The following COL11A1 variants were observed in gnomAD, a reference collection of about 807,000 sequenced individuals.
The protein encoded by COL11A1 is collagen alpha-1(XI) chain.
A neutral mutation model predicts 265.2 loss-of-function variants in COL11A1; 74 were observed. The ratio of observed to expected loss-of-function variants is 0.28; its 90% CI spans 0.23 to 0.34. The LOEUF is 0.34. Ranked by LOEUF, COL11A1 falls within the 10% of genes least tolerant of loss-of-function variation. The pLI, the probability that COL11A1 is intolerant of heterozygous loss-of-function variation, is 1.00. For synonymous variants in COL11A1, 816 were observed against 727.6 expected, an observed-to-expected ratio of 1.12 and a Z score of -1.96; for missense variants, 2,165 against 2,263.6, an observed-to-expected ratio of 0.96 and a Z score of 0.88.
At chr1:103,030,919 T>C in intron 5 of COL11A1, 197 bp downstream of exon 5, 1 of 619,162 alleles carries the variant, frequency 1.6e-6, no homozygotes, top group Non-Finnish European at 2.8e-6. Flanking sequence ...AATAAATTTA[T>C]GTAATCAAAT....
intron 35 of COL11A1, among the ~76,000 whole-genome samples, chr1:102,975,672 C>A (rs1662398477): frequency 1.3e-5 from 2 of 151,942 alleles, no homozygotes; most frequent in Admixed American, 6.6e-5. Context: ...TCTATATGCC[C>A]AGAACGTAAT....
At chr1:102,918,935 C>T (rs973353136) in intron 49 of COL11A1, among the ~76,000 whole-genome samples, 3 of 151,836 alleles carry the variant, frequency 2.0e-5, no homozygotes, top group Admixed American at 2.0e-4. Flanking sequence ...CAAGATAAGC[C>T]GATAAAAGCT....
Position 102,999,248 on chromosome 1 carries a change from TTGCAGTTTTAC to T in COL11A1, c.2143-896_2143-886del, listed in dbSNP as rs1424001991. Among the ~76,000 whole-genome samples, 6 of 152,078 alleles carry T rather than the reference TTGCAGTTTTAC, an allele frequency of 3.9e-5. No homozygotes were observed. The South Asian group carries it at 1.2e-3, about 31-fold the overall frequency. ...ATCATTGTATTCATATTGCCTGCCA[TTGCAGTTTTAC>T]AAGAAAATTTCAACCAAATCAGCAT... is the stretch of plus-strand genomic sequence containing the variant. On this transcript the variant is annotated intron_variant, in intron 24 of 66. Coordinates refer to ENST00000370096, the MANE Select transcript of COL11A1 (RefSeq NM_001854.4).
In COL11A1 at chr1:102,911,977, G is replaced by T. The variant is rs74108054; in HGVS notation, c.4086+182C>A. ...TGTTTTTCTCATTTTTATTGTGACA[G>T]TGAAATAGTTAGAATATGTTCTATT... On this transcript the variant is annotated intron_variant, in intron 54 of 66. Transcript: ENST00000370096. Among the ~76,000 whole-genome samples the T allele has an allele frequency of 0.012, 1,790 of 152,288 alleles. 36 individuals are homozygous for T. The highest frequency in any genetic ancestry group is 0.041 in the African/African-American group (1,695 of 41,544).
intron 4 of COL11A1, among the ~76,000 whole-genome samples, chr1:103,073,039 C>T (rs911820865): frequency 1.3e-5 from 2 of 151,738 alleles, no homozygotes; most frequent in African/African-American, 2.4e-5. Context: ...CATAGGGTTT[C>T]ATGAAACTCT....
intron 31 of COL11A1, among the ~76,000 whole-genome samples, chr1:102,983,690 C>T (rs1383192714): frequency 1.3e-5 from 2 of 151,724 alleles, no homozygotes; most frequent in African/African-American, 2.4e-5. Context: ...TAAGTTAATA[C>T]GTTTGTGGAG....
intron 38 of COL11A1, 87 bp downstream of exon 38, chr1:102,965,400 A>C: frequency 8.2e-7 from 1 of 1,222,414 alleles, no homozygotes; most frequent in South Asian, 1.3e-5. Flanking sequence ...GAATCATAAT[A>C]AATTTAGAAG....
At chr1:102,953,114 G>T (rs185425806) in intron 41 of COL11A1, among the ~76,000 whole-genome samples, 3 of 152,232 alleles carry the variant, frequency 2.0e-5, no homozygotes, top group Admixed American at 2.0e-4. Context: ...TTTTTGTATT[G>T]CTGTATAGCT....
rs1295045136 is a variant in COL11A1, at chr1:103,014,572, G to A, written c.1511C>T (p.Ser504Phe). 6.2e-7 allele frequency: 1 copy of A among 1,613,582 alleles called. No homozygotes were observed. Among genetic ancestry groups the A allele is most frequent in the Admixed American group, 1.7e-5 (1 of 59,966 alleles). Reference sequence around the variant, plus strand: ...CTGAGCAGAGATGGTTGGTCCTTTGGAACCATCACCACCATAACGGAACTT... The same window carrying A: ...CTGAGCAGAGATGGTTGGTCCTTTGAAACCATCACCACCATAACGGAACTT... ...MLPFRYGGDG[S>F]KGPTISAQEA... is the part of the protein sequence containing the mutation. The change falls in exon 13 of 67, where the codon TCC (serine) becomes TTC (phenylalanine). Residue 504 changes from serine to phenylalanine, a missense_variant. Transcript: ENST00000370096.
chr1:102,974,235 T>A (rs1662250989), intron 36 of COL11A1, among the ~76,000 whole-genome samples: 1 of 152,194 alleles, frequency 6.6e-6, no homozygotes, highest in African/African-American at 2.4e-5. Flanking sequence ...CCCACAAATA[T>A]TTAAATATGA....
chr1:102,902,543 A>T (rs954183880), intron 54 of COL11A1, among the ~76,000 whole-genome samples: 9 of 152,016 alleles, frequency 5.9e-5, no homozygotes, highest in African/African-American at 2.2e-4. Context: ...AATTTTTAGA[A>T]CCTTTAATAC....
At chr1:102,915,716 TAC>T in intron 49 of COL11A1, 32 bp from the exon 50 acceptor site, 4 of 1,474,430 alleles carry the variant, frequency 2.7e-6, no homozygotes, top group Non-Finnish European at 3.8e-6. Context: ...AGTATTAGAA[TAC>T]AGAGATGATC....
intron 53 of COL11A1, among the ~76,000 whole-genome samples, chr1:102,912,609 C>T (rs58713384): frequency 0.019 from 2,950 of 152,262 alleles, 99 homozygotes; most frequent in African/African-American, 0.067. Flanking sequence ...TTGTACAACA[C>T]TAACATTCTA....
chr1:103,098,002 C>T (rs547482558), intron 1 of COL11A1, among the ~76,000 whole-genome samples: 1 of 151,842 alleles, frequency 6.6e-6, no homozygotes, highest in South Asian at 2.1e-4. Flanking sequence ...AAGAAAAGAA[C>T]AAAAACTAGT....
At position 102,970,229 on chromosome 1, in the gene COL11A1, C is replaced by T. The variant is rs1278648408; in HGVS notation, c.2852G>A (p.Arg951His). Residue 951 changes from arginine to histidine, a missense_variant, in exon 37 of 67, where the codon CGT (arginine) becomes CAT (histidine). By Grantham distance (29) the Arg-to-His change is conservative. Transcript: ENST00000370096. The part of the protein sequence containing the change: ...KDGLPGHPGQ[R>H]GETGFQGKTG... ...AACAAGGTCACTTACAGTCTCCCCA[C>T]GTTGCCCAGGGTGTCCTGGCAGCCC... 3.1e-6 allele frequency: 5 copies of T among 1,612,266 alleles called. No homozygotes were observed. Among genetic ancestry groups the T allele is most frequent in the Non-Finnish European group, 1.7e-6 (2 of 1,178,906 alleles).
intron 10 of COL11A1, 34 bp from the exon 11 acceptor site, chr1:103,017,916 C>A (rs2101915319): frequency 4.7e-6 from 7 of 1,478,992 alleles, no homozygotes; most frequent in South Asian, 1.1e-5. Flanking sequence ...TAATCAGATT[C>A]CTAATCTCAT....
chr1:103,071,108 G>A (rs1341923714), intron 4 of COL11A1, among the ~76,000 whole-genome samples: 1 of 151,890 alleles, frequency 6.6e-6, no homozygotes, highest in South Asian at 2.1e-4. Context: ...AATGCAAAAT[G>A]TCCATCACAA....
At chr1:102,950,027 G>T in intron 41 of COL11A1, among the ~76,000 whole-genome samples, 1 of 152,156 alleles carries the variant, frequency 6.6e-6, no homozygotes, top group Non-Finnish European at 1.5e-5. Flanking sequence ...TGGGCACTGT[G>T]TCTCATGCCT....
chr1:102,913,210 GT>G (rs139672818), intron 53 of COL11A1, among the ~76,000 whole-genome samples: 13,962 of 151,936 alleles, frequency 0.092, 748 homozygotes, highest in Middle Eastern at 0.13. Context: ...TCATTCACAA[GT>G]TTTTTTTAAA....
Sources: gnomAD v4.1 joint callset for allele counts (sites outside exome capture counted in the v4.1 genomes callset) on GRCh38, gnomAD v4.1.1 for gene constraint, MANE v1.5 for transcripts, NCBI Gene and HGNC (gene_info 2026-07-23, HGNC 2026-07-21) for gene names.